SLC14A2: variants seen among roughly 807,000 people sequenced by gnomAD.
The protein encoded by SLC14A2 is urea transporter 2.
Under a neutral mutation model 104.6 loss-of-function variants are expected in SLC14A2, and 91 were observed. The observed-to-expected ratio is 0.87, with a 90% CI of 0.73 to 1.04. SLC14A2 has a LOEUF of 1.04. SLC14A2 is among the 50% of genes least tolerant of loss of function. SLC14A2 has a pLI of 0.00. For synonymous variants in SLC14A2, 476 were observed against 466.4 expected (o/e 1.02, Z -0.27); for missense variants, 1,189 against 1,156.0 (o/e 1.03, Z -0.41).
At chr18:45,454,140 G>A (rs566343194) in intron 1 of SLC14A2, among the ~76,000 whole-genome samples, 1 of 152,246 alleles carries the variant, frequency 6.6e-6, no homozygotes, top group Non-Finnish European at 1.5e-5. Context: ...TTACAGGTGT[G>A]AGCCACTGTA....
At position 45,682,908 on chromosome 18, in the gene SLC14A2, CAT is replaced by C; in HGVS notation, c.*390_*391del. The C allele has an allele frequency of 4.6e-6, 1 of 218,822 alleles. No homozygotes were observed. Among genetic ancestry groups the C allele is most frequent in the African/African-American group, 2.3e-5 (1 of 44,370 alleles). 13.6% of individuals were successfully genotyped at this position (218,822 alleles called of 1,614,324 possible). A position where few individuals can be genotyped will look rare whatever the true frequency, so the allele number is the denominator to read the frequency against. On this transcript the variant is annotated 3_prime_UTR_variant, in exon 20 of 20. Coordinates refer to ENST00000255226, the MANE Select transcript of SLC14A2 (RefSeq NM_007163.4). ...AGGAGATCGAGACCATCCTGGCGAACATGGTGAGACCCCATCTCTACTAAAAA... is the reference window on the plus strand; with the variant it reads ...AGGAGATCGAGACCATCCTGGCGAACGGTGAGACCCCATCTCTACTAAAAA...
chr18:45,177,496 C>T, the SLC14A2 span, among the ~76,000 whole-genome samples: 2 of 152,146 alleles, frequency 1.3e-5, no homozygotes, highest in Non-Finnish European at 2.9e-5. Context: ...CGTGTTCCAG[C>T]CGCAGATTTT....
At chr18:45,388,061 T>C (rs943274926) in intron 1 of SLC14A2, among the ~76,000 whole-genome samples, 19 of 129,308 alleles carry the variant, frequency 1.5e-4, no homozygotes, top group Admixed American at 1.3e-3. Flanking sequence ...ACCTTGCTCA[T>C]ATCTTTTTTT....
At chr18:45,424,227 G>A (rs1357687409) in intron 1 of SLC14A2, 1 of 152,228 alleles carries the variant, frequency 6.6e-6, no homozygotes, top group Non-Finnish European at 1.5e-5. Context: ...AAAGAACTAT[G>A]AACTTGGACC....
the SLC14A2 span, among the ~76,000 whole-genome samples, chr18:45,187,555 T>A: frequency 1.3e-5 from 2 of 152,260 alleles, no homozygotes; most frequent in African/African-American, 4.8e-5. Context: ...GAGAAGGAGA[T>A]AATCTTGGCA....
chr18:45,669,580 T>C (rs573316902), intron 16 of SLC14A2, 82 bp downstream of exon 16: 3 of 1,116,006 alleles, frequency 2.7e-6, no homozygotes, highest in South Asian at 2.9e-5. Flanking sequence ...ATCAGAAACA[T>C]CCACAAGTAA....
chr18:45,586,920 T>G (rs1471541670), intron 2 of SLC14A2, among the ~76,000 whole-genome samples: 2 of 152,070 alleles, frequency 1.3e-5, no homozygotes, highest in African/African-American at 2.4e-5. Context: ...ATTTAAGAAC[T>G]TATCATAGAA....
chr18:45,567,055 A>AGCGTGTGTGT (rs1491148045), intron 2 of SLC14A2, among the ~76,000 whole-genome samples: 1 of 139,812 alleles, frequency 7.2e-6, no homozygotes, highest in Non-Finnish European at 1.5e-5. Context: ...ATGTGCACAT[A>AGCGTGTGTGT]GTGTGTGTGT....
chr18:45,649,037 G>A (rs1218339391), intron 10 of SLC14A2, among the ~76,000 whole-genome samples: 1 of 152,168 alleles, frequency 6.6e-6, no homozygotes, highest in Non-Finnish European at 1.5e-5. Flanking sequence ...TGGGCATGGT[G>A]GCGGGTGCCT....
intron 2 of SLC14A2, among the ~76,000 whole-genome samples, chr18:45,519,872 T>C (rs1276780912): frequency 1.3e-5 from 2 of 152,134 alleles, no homozygotes; most frequent in Non-Finnish European, 2.9e-5. Context: ...GAAACCAGAA[T>C]CAGATGGGAC....
chr18:45,606,966 C>G (rs1262049511), intron 2 of SLC14A2, among the ~76,000 whole-genome samples: 1 of 152,100 alleles, frequency 6.6e-6, no homozygotes, highest in Non-Finnish European at 1.5e-5. Context: ...TCATGTATTT[C>G]CCATCCTCAA....
intron 1 of SLC14A2, among the ~76,000 whole-genome samples, chr18:45,308,057 C>T (rs2085041665): frequency 6.6e-6 from 1 of 152,016 alleles, no homozygotes; most frequent in African/African-American, 2.4e-5. Flanking sequence ...AGCTAGAACT[C>T]GTGAATTTAG....
At chr18:45,292,234 T>C (rs897621588) in intron 1 of SLC14A2, among the ~76,000 whole-genome samples, 5 of 152,168 alleles carry the variant, frequency 3.3e-5, no homozygotes, top group African/African-American at 7.2e-5. Context: ...CTAATCCCTA[T>C]AGCTGGCAGA....
upstream of SLC14A2, among the ~76,000 whole-genome samples, chr18:45,208,613 T>A (rs2083934914): frequency 6.6e-6 from 1 of 152,146 alleles, no homozygotes; most frequent in Non-Finnish European, 1.5e-5. Context: ...CCTCGTTAGT[T>A]AAACTGAAGA....
At chr18:45,239,741 G>A (rs542917464) in intron 1 of SLC14A2, among the ~76,000 whole-genome samples, 4 of 152,256 alleles carry the variant, frequency 2.6e-5, no homozygotes, top group Admixed American at 1.3e-4. Flanking sequence ...AATTAGTAAC[G>A]AACATGGGAA....
intron 2 of SLC14A2, among the ~76,000 whole-genome samples, chr18:45,494,760 T>C (rs1408338388): frequency 1.3e-5 from 2 of 152,046 alleles, no homozygotes; most frequent in Non-Finnish European, 2.9e-5. Context: ...ACAGTCACTA[T>C]GCCCTGCTAT....
chr18:45,219,976 A>G (rs909552240), intron 1 of SLC14A2, among the ~76,000 whole-genome samples: 1 of 152,220 alleles, frequency 6.6e-6, no homozygotes, highest in African/African-American at 2.4e-5. Flanking sequence ...GCAGAGGGTT[A>G]AGACTTTGAA....
At chr18:45,669,249 T>G in intron 15 of SLC14A2, 57 bp from the exon 16 acceptor site, 1 of 1,448,502 alleles carries the variant, frequency 6.9e-7, no homozygotes, top group Non-Finnish European at 9.6e-7. Context: ...TGCAGCACAG[T>G]CTAGTGTTAT....
intron 1 of SLC14A2, among the ~76,000 whole-genome samples, chr18:45,258,136 G>C (rs1020378292): frequency 6.9e-6 from 1 of 145,020 alleles, no homozygotes; most frequent in African/African-American, 2.7e-5. Flanking sequence ...GGCATAAAAG[G>C]CATAAATCAC....
Sources: allele counts gnomAD v4.1 joint callset (sites outside exome capture counted in the v4.1 genomes callset), GRCh38; gene constraint gnomAD v4.1.1; transcripts MANE v1.5; gene names NCBI Gene and HGNC (gene_info 2026-07-23, HGNC 2026-07-21).